ZNF503: variants seen among roughly 807,000 people sequenced by gnomAD.
ZNF503 encodes NocA-like zinc finger 2.
ZNF503 carries 15 observed loss-of-function variants against 34.4 expected under a neutral mutation model. That is an observed-to-expected ratio of 0.44 (90% CI 0.29 to 0.67). The LOEUF (loss-of-function observed/expected upper bound fraction) is 0.67, where lower values mean the gene tolerates loss of function less well. ZNF503 is among the 30% of genes least tolerant of loss of function. The pLI, the probability that ZNF503 is intolerant of heterozygous loss-of-function variation, is 0.13. For synonymous variants in ZNF503, 580 were observed against 456.8 expected (o/e 1.27, Z -3.44); for missense variants, 1,007 against 926.8 (o/e 1.09, Z -1.12).
At chr10:75,348,417 T>C in the ZNF503 span, among the ~76,000 whole-genome samples, 1 of 151,750 alleles carries the variant, frequency 6.6e-6, no homozygotes, top group African/African-American at 2.4e-5. Context: ...AGGCTGGTCT[T>C]GATCTTCTGA....
chr10:75,373,566 G>A, the ZNF503 span: 1 of 152,146 alleles, frequency 6.6e-6, no homozygotes, highest in Non-Finnish European at 1.5e-5. Flanking sequence ...AGAGACCAAG[G>A]AAACTCTGCG....
Position 75,397,962 on chromosome 10 carries a change from TAAGTGTTCCTTTTA to T in ZNF503, c.*773_*786del. The T allele has an allele frequency of 6.5e-6, 1 of 152,762 alleles. No individual in the cohort carries two copies. Among genetic ancestry groups the T allele is most frequent in the East Asian group, 1.9e-4 (1 of 5,194 alleles). 9.5% of individuals were successfully genotyped at this position (152,762 alleles called of 1,614,324 possible). The stretch of plus-strand genomic sequence containing the variant: ...GGTGGACTTAAAAATTAAAAATAGT[TAAGTGTTCCTTTTA>T]AAGAACAAAATAAGGCAAATGAGGT... On this transcript the variant is annotated 3_prime_UTR_variant, in exon 2 of 2. Coordinates refer to ENST00000372524, the MANE Select transcript of ZNF503 (RefSeq NM_032772.6).
At chr10:75,362,098 C>T in the ZNF503 span, among the ~76,000 whole-genome samples, 1 of 152,308 alleles carries the variant, frequency 6.6e-6, no homozygotes, top group Admixed American at 6.5e-5. Context: ...ACAGTGTTGG[C>T]TTCTTAATAA....
At chr10:75,280,428 T>C in the ZNF503 span, 1 of 152,226 alleles carries the variant, frequency 6.6e-6, no homozygotes, top group African/African-American at 2.4e-5. Context: ...TGGCCCTTGT[T>C]TGAACCCTTC....
At chr10:75,318,369 CT>C in the ZNF503 span, among the ~76,000 whole-genome samples, 9 of 151,834 alleles carry the variant, frequency 5.9e-5, no homozygotes, top group Non-Finnish European at 1.2e-4. Flanking sequence ...AAGACAATTG[CT>C]GATGATGGAA....
the ZNF503 span, among the ~76,000 whole-genome samples, chr10:75,348,507 A>ATTTTTTT: frequency 5.0e-5 from 5 of 99,358 alleles, 1 homozygote; most frequent in Non-Finnish European, 9.5e-5. Context: ...CCCTATTACT[A>ATTTTTTT]TTTTTTTTTT....
chr10:75,398,652 G>A lies in ZNF503; in HGVS notation c.*97C>T. The A allele has an allele frequency of 2.6e-6, 3 of 1,141,712 alleles. No homozygotes were observed. The highest frequency in any genetic ancestry group is 3.4e-6 in the Non-Finnish European group (3 of 891,242). 70.7% of individuals were successfully genotyped at this position (1,141,712 alleles called of 1,614,324 possible). ...CTTTCGTGGCCCGAGTCCTCCCCAC[G>A]CGCGGGTGTCAGCAGCCTGGGCCGT... On this transcript the variant is annotated 3_prime_UTR_variant, in exon 2 of 2. Transcript: ENST00000372524.
downstream of ZNF503, among the ~76,000 whole-genome samples, chr10:75,396,678 C>T (rs193140355): frequency 7.2e-5 from 11 of 152,188 alleles, no homozygotes; most frequent in East Asian, 2.0e-3. The surrounding 1 kb of genome is among the most constrained non-coding windows in gnomAD (Gnocchi z 4.4). Context: ...GAGCCTGACC[C>T]CAGGGAGCGG....
the ZNF503 span, among the ~76,000 whole-genome samples, chr10:75,386,664 G>A: frequency 6.6e-6 from 1 of 152,080 alleles, no homozygotes; most frequent in African/African-American, 2.4e-5. Context: ...ATCCCATAAT[G>A]TTCTTCCTCT....
chr10:75,363,119 C>T, the ZNF503 span, among the ~76,000 whole-genome samples: 1 of 152,042 alleles, frequency 6.6e-6, no homozygotes, highest in Non-Finnish European at 1.5e-5. Flanking sequence ...TCCCTTCCCT[C>T]TTAAGGAATT....
In ZNF503 at chr10:75,399,915, C is replaced by T; in HGVS notation, c.775G>A (p.Asp259Asn). The T allele has an allele frequency of 6.2e-7, 1 of 1,605,970 alleles. No individual in the cohort carries two copies. The highest frequency in any genetic ancestry group is 8.5e-7 in the Non-Finnish European group (1 of 1,178,620). Residue 259 changes from aspartate to asparagine, a missense_variant, in exon 2 of 2, where the codon GAC (aspartate) becomes AAC (asparagine). Coordinates refer to ENST00000372524, the MANE Select transcript of ZNF503 (RefSeq NM_032772.6). ...GTGCCCTTGCCACCGCCGCCCACGT[C>T]GGTGTCTTTCTTGTCGTCCTTGCCC... ...PEGKDDKKDT[D>N]VGGGGKGTGG...
the ZNF503 span, among the ~76,000 whole-genome samples, chr10:75,281,261 G>C: frequency 6.6e-6 from 1 of 152,122 alleles, no homozygotes; most frequent in East Asian, 1.9e-4. Flanking sequence ...GGGGCTATAG[G>C]ACTCAGAAAC....
At chr10:75,328,671 C>T in the ZNF503 span, among the ~76,000 whole-genome samples, 11 of 150,770 alleles carry the variant, frequency 7.3e-5, no homozygotes, top group Non-Finnish European at 1.3e-4. Flanking sequence ...TGCATTAAAT[C>T]TGTAGATTGC....
In ZNF503 at chr10:75,399,715, C is replaced by T. The variant is rs747315981; in HGVS notation, c.975G>A (p.Ala325=). Residue 325 remains alanine, a synonymous_variant, in exon 2 of 2, where the codon GCG becomes GCA. Coordinates refer to ENST00000372524, the MANE Select transcript of ZNF503 (RefSeq NM_032772.6). The part of the protein sequence containing the change: ...SGSSSGSGPS[A]PTSSSVLGSG... ...AGCCCAACACTGAGGAGGAGGTGGGCGCGCTGGGGCCGGAGCCGGAGCTGG... is the reference window on the plus strand; with the variant it reads ...AGCCCAACACTGAGGAGGAGGTGGGTGCGCTGGGGCCGGAGCCGGAGCTGG... The T allele has an allele frequency of 3.8e-6, 6 of 1,598,168 alleles. No homozygotes were observed. The highest frequency in any genetic ancestry group is 5.1e-6 in the Non-Finnish European group (6 of 1,177,902).
the ZNF503 span, among the ~76,000 whole-genome samples, chr10:75,350,841 A>C: frequency 6.6e-6 from 1 of 152,190 alleles, no homozygotes; most frequent in Non-Finnish European, 1.5e-5. Context: ...GGCATGAGCC[A>C]CCGCGTCCAG....
At chr10:75,350,177 C>A in the ZNF503 span, among the ~76,000 whole-genome samples, 3 of 152,248 alleles carry the variant, frequency 2.0e-5, no homozygotes, top group South Asian at 4.1e-4. Flanking sequence ...GGGCTGGGAG[C>A]CTGGAGGGCT....
At chr10:75,283,960 A>C in the ZNF503 span, 3 of 152,176 alleles carry the variant, frequency 2.0e-5, no homozygotes. Flanking sequence ...ACTGCTTTGC[A>C]CGGCAATTAG....
At chr10:75,401,059 C>T (rs759098425) in intron 1 of ZNF503, 46 bp downstream of exon 1, 52 of 1,612,258 alleles carry the variant, frequency 3.2e-5, no homozygotes, top group Admixed American at 8.3e-5. Flanking sequence ...CCTAGGGTGG[C>T]AGCCAGGGTA....
At chr10:75,310,679 C>T in the ZNF503 span, among the ~76,000 whole-genome samples, 2 of 152,100 alleles carry the variant, frequency 1.3e-5, no homozygotes, top group Non-Finnish European at 2.9e-5. Flanking sequence ...CAGTACCTTC[C>T]TGCAGTCTAG....
Sources: allele counts gnomAD v4.1 joint callset (sites outside exome capture counted in the v4.1 genomes callset), GRCh38; gene constraint gnomAD v4.1.1; non-coding constraint Gnocchi (gnomAD v3.1); transcripts MANE v1.5; gene names NCBI Gene and HGNC (gene_info 2026-07-23, HGNC 2026-07-21).